Variants in IGHMBP2 observed in about 807,000 individuals in gnomAD.
IGHMBP2 encodes immunoglobulin mu DNA binding protein 2, also known as DNA-binding protein SMUBP-2.
In IGHMBP2, 81 loss-of-function variants were observed where a neutral mutation model predicts 96.0. The ratio of observed to expected loss-of-function variants is 0.84; its 90% confidence interval spans 0.71 to 1.01. The LOEUF (loss-of-function observed/expected upper bound fraction) is 1.01. IGHMBP2 is among the 50% of genes least tolerant of loss of function. IGHMBP2 has a pLI of 0.00. For synonymous variants in IGHMBP2, 557 were observed against 548.9 expected (o/e 1.01, Z -0.21); for missense variants, 1,227 against 1,306.3 (o/e 0.94, Z 0.94).
Position 68,938,353 on chromosome 11 carries a change from A to C in IGHMBP2, c.2783A>C (p.Glu928Ala). 6.2e-7 allele frequency: 1 copy of C among 1,607,708 alleles called. No individual in the cohort carries two copies. Among genetic ancestry groups the C allele is most frequent in the Non-Finnish European group, 8.5e-7 (1 of 1,178,096 alleles). The change falls in exon 14 of 15, where the codon GAG becomes GCG. Residue 928 changes from glutamate to alanine, a missense_variant and splice_region_variant. Physicochemically the swap from Glu to Ala is moderately radical, Grantham distance 107 (BLOSUM62 -1). Transcript: ENST00000255078. ...RRYCLSHHLP[E>A]IHGCGERARA... ...TACTGCCTCAGCCACCACCTGCCCG[A>C]GGTATGTCGGCCTCCCCTCCTGCGA...
At chr11:68,927,169 G>C (rs1184442573) in intron 7 of IGHMBP2, among the ~76,000 whole-genome samples, 1 of 152,208 alleles carries the variant, frequency 6.6e-6, no homozygotes, top group East Asian at 1.9e-4. Flanking sequence ...TTAAATAATA[G>C]AATGTAGCAA....
chr11:68,917,001 T>TTTTTTAA (rs1410328546), intron 6 of IGHMBP2, among the ~76,000 whole-genome samples: 1 of 144,644 alleles, frequency 6.9e-6, no homozygotes, highest in Non-Finnish European at 1.5e-5. Context: ...TTTTTTTTTT[T>TTTTTTAA]AAAGAATCTT....
intron 5 of IGHMBP2, 147 bp from the exon 6 acceptor site, chr11:68,914,676 T>G (rs1858577366): frequency 1.2e-6 from 1 of 865,148 alleles, no homozygotes; most frequent in Non-Finnish European, 1.9e-6. Context: ...ACACGTGGGC[T>G]TGGAAAATGA....
intron 1 of IGHMBP2, 139 bp from the exon 2 acceptor site, chr11:68,905,930 C>G (rs1858172621): frequency 1.1e-6 from 1 of 877,070 alleles, no homozygotes; most frequent in South Asian, 1.3e-5. Flanking sequence ...GGAGTGGAGC[C>G]AATTCGGAGT....
intron 5 of IGHMBP2, among the ~76,000 whole-genome samples, chr11:68,912,774 T>C (rs974320125): frequency 5.3e-5 from 8 of 151,064 alleles, no homozygotes; most frequent in Middle Eastern, 3.4e-3. Flanking sequence ...GTGTGGTGGC[T>C]CACACCTGTA....
At chr11:68,921,027 C>G (rs1229274842) in intron 7 of IGHMBP2, among the ~76,000 whole-genome samples, 1 of 151,256 alleles carries the variant, frequency 6.6e-6, no homozygotes, top group Non-Finnish European at 1.5e-5. Flanking sequence ...AAACTCCTGG[C>G]CTCAAGTGAT....
At chr11:68,929,158 A>G (rs1297403163) in intron 7 of IGHMBP2, 25 bp from the exon 8 acceptor site, 1 of 1,607,580 alleles carries the variant, frequency 6.2e-7, no homozygotes, top group Admixed American at 1.7e-5. Context: ...GCCCCTGGAG[A>G]CTCCCGGCTC....
Position 68,936,974 on chromosome 11 carries a change from A to G in IGHMBP2, c.2494A>G (p.Thr832Ala), listed in dbSNP as rs938666376. 6.2e-7 allele frequency: 1 copy of G among 1,607,710 alleles called. No homozygotes were observed. The highest frequency in any genetic ancestry group is 2.2e-5 in the East Asian group (1 of 44,826). ...TGGCCCAGACCAGCCTGATCTGAGG[A>G]CGCTGCACCTGGAGAGACTGCAGAG... ...QRGPDQPDLRTLHLERLQRVR... is the reference protein window; with the variant it reads ...QRGPDQPDLRALHLERLQRVR... The change falls in exon 13 of 15, where the codon ACG becomes GCG. Residue 832 changes from threonine to alanine, a missense_variant. This residue lies in a region of IGHMBP2 where 703 missense variants were observed against 770.3 expected (regional missense o/e 0.91). Transcript: ENST00000255078.
In IGHMBP2 at chr11:68,936,758, C is replaced by G. The variant is rs1156304315; in HGVS notation, c.2278C>G (p.Gln760Glu). ...LNSHDRLRVH[Q>E]IAEEHGLRHD... ...TTCCCACGACAGGCTGCGGGTCCAC[C>G]AAATAGCCGAGGAGCACGGGCTGAG... The change falls in exon 13 of 15, where the codon CAA (glutamine) becomes GAA (glutamate). Residue 760 changes from glutamine to glutamate, a missense_variant. Around this residue, in one of 3 missense-constraint regions of IGHMBP2, gnomAD observed 703 missense variants for 770.3 expected, o/e 0.91. Coordinates refer to ENST00000255078, the MANE Select transcript of IGHMBP2 (RefSeq NM_002180.3). The G allele has an allele frequency of 6.2e-7, 1 of 1,613,966 alleles. No individual in the cohort carries two copies. The highest frequency in any genetic ancestry group is 8.5e-7 in the Non-Finnish European group (1 of 1,180,052).
chr11:68,909,777 G>A lies in IGHMBP2; in HGVS notation c.547+1146G>A, dbSNP rs182386547. On this transcript the variant is annotated intron_variant, in intron 4 of 14. Transcript: ENST00000255078. Reference sequence around the variant, plus strand: ...CAAGTAGTTGGGATTACAGGTGCCCGCCACCATGCCCGGCTAATTTTTGTA... The same window carrying A: ...CAAGTAGTTGGGATTACAGGTGCCCACCACCATGCCCGGCTAATTTTTGTA... Among the ~76,000 whole-genome samples the A allele has an allele frequency of 5.5e-3, 831 of 152,002 alleles. 6 individuals are homozygous for A. Among genetic ancestry groups the A allele is most frequent in the Admixed American group, 8.8e-3 (135 of 15,262 alleles).
intron 6 of IGHMBP2, among the ~76,000 whole-genome samples, chr11:68,916,761 A>G (rs1052444523): frequency 1.4e-4 from 21 of 151,414 alleles, no homozygotes; most frequent in Non-Finnish European, 2.4e-4. Flanking sequence ...TGGGAGGGGG[A>G]GGAAGGATAG....
intron 1 of IGHMBP2, 58 bp from the exon 2 acceptor site, chr11:68,906,007 CTGGG>C: frequency 6.7e-7 from 1 of 1,491,372 alleles, no homozygotes; most frequent in Non-Finnish European, 9.3e-7. Flanking sequence ...TTTACTTTTC[CTGGG>C]TGGGTGGAAG....
At position 68,908,582 on chromosome 11, in the gene IGHMBP2, C is replaced by G. The variant is rs780311461; in HGVS notation, c.498C>G (p.Leu166=). Residue 166 remains leucine, a synonymous_variant, in exon 4 of 15, where the codon CTC becomes CTG. Transcript: ENST00000255078. ...ATCATTCTGGCCCAGCCTCCTCACT[C>G]ATAGAAGTGCTCTTTGGCAGATCTG... The part of the protein sequence containing the change: ...KKYHSGPASS[L]IEVLFGRSAP... 1.9e-6 allele frequency: 3 copies of G among 1,613,930 alleles called. No individual in the cohort carries two copies. The highest frequency in any genetic ancestry group is 2.5e-6 in the Non-Finnish European group (3 of 1,179,918).
At chr11:68,936,170 G>A (rs575073258) in intron 12 of IGHMBP2, 67 bp from the exon 13 acceptor site, 50 of 1,575,568 alleles carry the variant, frequency 3.2e-5, no homozygotes, top group Middle Eastern at 1.7e-4. Flanking sequence ...TACTGATAAG[G>A]GCGTAGGAGC....
intron 7 of IGHMBP2, among the ~76,000 whole-genome samples, chr11:68,926,019 A>G (rs1441739576): frequency 6.6e-6 from 1 of 151,518 alleles, no homozygotes; most frequent in Non-Finnish European, 1.5e-5. Context: ...TTTTTCAGGT[A>G]TTCTTTCTGC....
In IGHMBP2 at chr11:68,911,360, CG is replaced by C. The variant is rs1594422259; in HGVS notation, c.548-76del. Reference sequence around the variant, plus strand: ...TTCCTGACAGGCATCACTCATCCCCCGGGGCACACACTCTCTGAGGAGGAAC... The same window carrying C: ...TTCCTGACAGGCATCACTCATCCCCCGGGCACACACTCTCTGAGGAGGAAC... On this transcript the variant is annotated intron_variant, in intron 4 of 14. Transcript: ENST00000255078. 5.5e-6 allele frequency: 8 copies of C among 1,451,444 alleles called. No individual in the cohort carries two copies. In the East Asian group the frequency reaches 1.6e-4, roughly 30 times the overall value. The allele number at this position is 1,451,444 out of a possible 1,614,324, so 89.9% of individuals were successfully genotyped here. A position where few individuals can be genotyped will look rare whatever the true frequency, so the allele number is the denominator to read the frequency against.
chr11:68,928,289 C>T (rs1466838428), intron 7 of IGHMBP2, among the ~76,000 whole-genome samples: 2 of 152,202 alleles, frequency 1.3e-5, no homozygotes, highest in Admixed American at 1.3e-4. Context: ...AGTCTGGTTT[C>T]TCTCTGTACT....
intron 13 of IGHMBP2, 21 bp from the exon 14 acceptor site, chr11:68,938,161 A>C: frequency 6.2e-7 from 1 of 1,613,770 alleles, no homozygotes; most frequent in Middle Eastern, 1.7e-4. Flanking sequence ...CGTTTGCCTG[A>C]GTGACGCGGG....
rs1283975818 is a variant in IGHMBP2, at chr11:68,936,714, A to G, written c.2234A>G (p.Glu745Gly). 4 of 1,614,086 alleles carry G rather than the reference A, an allele frequency of 2.5e-6. No individual in the cohort carries two copies. Among genetic ancestry groups the G allele is most frequent in the Non-Finnish European group, 3.4e-6 (4 of 1,180,046 alleles). The change falls in exon 13 of 15, where the codon GAG becomes GGG. Residue 745 changes from glutamate to glycine, a missense_variant. Physicochemically the swap from Glu to Gly is moderately conservative, Grantham distance 98 (BLOSUM62 -2). Around this residue, in one of 3 missense-constraint regions of IGHMBP2, gnomAD observed 703 missense variants for 770.3 expected, o/e 0.91. Transcript: ENST00000255078. Reference protein sequence around the residue: ...EFMASKKMQLEFPPSLNSHDR... With the variant: ...EFMASKKMQLGFPPSLNSHDR... ...ATGGCCAGCAAGAAGATGCAGTTGGAGTTTCCTCCTTCCCTCAATTCCCAC... is the reference window on the plus strand; with the variant it reads ...ATGGCCAGCAAGAAGATGCAGTTGGGGTTTCCTCCTTCCCTCAATTCCCAC...
Sources: allele counts gnomAD v4.1 joint callset (sites outside exome capture counted in the v4.1 genomes callset), GRCh38; gene constraint gnomAD v4.1.1; regional missense constraint gnomAD v4.1.1; transcripts MANE v1.5; gene names NCBI Gene and HGNC (gene_info 2026-07-23, HGNC 2026-07-21).